The following DHDH variants were observed in gnomAD, a reference collection of about 807,000 sequenced individuals.
The protein encoded by DHDH is trans-1,2-dihydrobenzene-1,2-diol dehydrogenase.
DHDH carries 29 observed loss-of-function variants against 33.2 expected under a neutral mutation model. The observed-to-expected ratio is 0.87, with a 90% confidence interval of 0.65 to 1.19. The LOEUF (loss-of-function observed/expected upper bound fraction) is 1.19. Ranked by LOEUF, DHDH falls within the 50% of genes most tolerant of loss-of-function variation. The pLI, the probability that DHDH is intolerant of heterozygous loss-of-function variation, is 0.00. For missense variants in DHDH, 431 were observed against 455.0 expected (o/e 0.95, Z 0.48); for synonymous variants, 201 against 187.9 (o/e 1.07, Z -0.57).
Position 48,939,473 on chromosome 19 carries a change from GCCTCC to G in DHDH, c.392_396del (p.Ala131GlyfsTer73), listed in dbSNP as rs1359873102. ...GGCCATCTGGACCCGCTTCTTTCCT[GCCTCC>G]GAGGCTCTGAGGTCTGTTTTGGCCC... On this transcript the variant is annotated frameshift_variant, in exon 4 of 7. Coordinates refer to ENST00000221403, the MANE Select transcript of DHDH (RefSeq NM_014475.4). LOFTEE classifies it high-confidence loss of function. 2 of 1,613,134 alleles carry G rather than the reference GCCTCC, an allele frequency of 1.2e-6. No homozygotes were observed. Among genetic ancestry groups the G allele is most frequent in the Admixed American group, 1.7e-5 (1 of 59,952 alleles).
At chr19:48,933,276 T>G (rs2037727681), upstream of DHDH, among the ~76,000 whole-genome samples, 2 of 152,154 alleles carry the variant, frequency 1.3e-5, no homozygotes, top group South Asian at 4.1e-4. Context: ...ATTATTAAGT[T>G]TGCTGTTACA....
At position 48,944,815 on chromosome 19, in the gene DHDH, T is replaced by C. The variant is rs1568599438; in HGVS notation, c.896-9T>C. 1.2e-6 allele frequency: 2 copies of C among 1,611,540 alleles called. No homozygotes were observed. Among genetic ancestry groups the C allele is most frequent in the African/African-American group, 2.7e-5 (2 of 74,826 alleles). ...GTAGGAGGGGTCCCTAACTACACTC[T>C]CCCCACAGGTATGAAGGAAAGTCCT... is the stretch of plus-strand genomic sequence containing the variant. On this transcript the variant is annotated splice_polypyrimidine_tract_variant and intron_variant, in intron 6 of 6. Transcript: ENST00000221403.
intron 1 of DHDH, among the ~76,000 whole-genome samples, chr19:48,934,064 T>C (rs2037739938): frequency 6.6e-6 from 1 of 152,248 alleles, no homozygotes; most frequent in Admixed American, 6.5e-5. Flanking sequence ...AGAAAAATTG[T>C]TTCTGCTTTG....
intron 1 of DHDH, 47 bp from the exon 2 acceptor site, chr19:48,934,953 T>C: frequency 6.9e-7 from 1 of 1,451,200 alleles, no homozygotes; most frequent in Non-Finnish European, 9.2e-7. Flanking sequence ...CCACCCAGTT[T>C]CCACGCCTGC....
Position 48,944,371 on chromosome 19 carries a change from C to T in DHDH, c.759C>T (p.Cys253=), listed in dbSNP as rs775108712. ...TKGMVQLLNP[C]WCPTELVVKG... is the part of the protein sequence containing the mutation. ...TCTCCCTCCAGCTCCTCAACCCCTG[C>T]TGGTGCCCGACCGAGCTGGTGGTGA... The change falls in exon 6 of 7, where the codon TGC becomes TGT. Residue 253 remains cysteine (C), a synonymous_variant. Transcript: ENST00000221403. The T allele has an allele frequency of 1.1e-5, 18 of 1,613,984 alleles. No individual in the cohort carries two copies. The highest frequency in any genetic ancestry group is 1.5e-5 in the Non-Finnish European group (18 of 1,180,008).
At chr19:48,937,522 AC>A (rs1171767053) in intron 3 of DHDH, among the ~76,000 whole-genome samples, 1 of 150,934 alleles carries the variant, frequency 6.6e-6, no homozygotes, top group Non-Finnish European at 1.5e-5. Context: ...CTAAAAAAGT[AC>A]AAAAATTGGC....
chr19:48,934,653 C>T (rs879318453), intron 1 of DHDH, among the ~76,000 whole-genome samples: 5 of 152,158 alleles, frequency 3.3e-5, no homozygotes, highest in South Asian at 2.1e-4. Flanking sequence ...CGTGCACATC[C>T]GGTCACAGCA....
At chr19:48,943,055 C>CA (rs5828370) in intron 5 of DHDH, among the ~76,000 whole-genome samples, 68,175 of 140,610 alleles carry the variant, frequency 0.48, 18,216 homozygotes, top group Non-Finnish European at 0.62. Flanking sequence ...AACTCCATCT[C>CA]AAAAAAAAAA....
chr19:48,943,841 A>AG (rs1333492125), intron 5 of DHDH, among the ~76,000 whole-genome samples: 1 of 151,530 alleles, frequency 6.6e-6, no homozygotes, highest in Admixed American at 6.6e-5. Context: ...AAAAAAAAAA[A>AG]AAAATTAGTC....
In DHDH at chr19:48,937,308, G is replaced by A. The variant is rs372906301; in HGVS notation, c.366+1113G>A. 1.5e-4 allele frequency among the ~76,000 whole-genome samples: 23 copies of A among 152,124 alleles called. No individual in the cohort carries two copies. In the East Asian group the frequency reaches 2.1e-3, roughly 14 times the overall value. On this transcript the variant is annotated intron_variant, in intron 3 of 6. Coordinates refer to ENST00000221403, the MANE Select transcript of DHDH (RefSeq NM_014475.4). The stretch of plus-strand genomic sequence containing the variant: ...CCTCTCGACTGCTCCGAGCCCGGGC[G>A]GACCTCGGCCACATCCGTCCTGCCC...
chr19:48,937,482 C>T (rs890101340), intron 3 of DHDH, among the ~76,000 whole-genome samples: 1 of 151,882 alleles, frequency 6.6e-6, no homozygotes, highest in African/African-American at 2.4e-5. Flanking sequence ...TCAAGACCAG[C>T]CTGGCCAACA....
At chr19:48,944,201 G>C (rs1187838408) in intron 5 of DHDH, among the ~76,000 whole-genome samples, 156 bp from the exon 6 acceptor site, 1 of 152,116 alleles carries the variant, frequency 6.6e-6, no homozygotes, top group Non-Finnish European at 1.5e-5. Flanking sequence ...AACTAGAAAT[G>C]AAGGAGGGTC....
rs772545415 is a variant in DHDH, at chr19:48,936,136, G to A, written c.307G>A (p.Ala103Thr). 3.1e-6 allele frequency: 5 copies of A among 1,609,566 alleles called. No homozygotes were observed. In the South Asian group the frequency reaches 4.4e-5, roughly 14 times the overall value. Residue 103 changes from alanine to threonine, a missense_variant, in exon 3 of 7, where the codon GCG (alanine) becomes ACG (threonine). Transcript: ENST00000221403. ...VLCEKPTGVN[A>T]AEVREMVAEA... is the part of the protein sequence containing the mutation. ...GTGCGAGAAGCCCACGGGCGTGAAC[G>A]CGGCGGAAGTTCGCGAGATGGTCGC...
intron 1 of DHDH, 123 bp from the exon 2 acceptor site, chr19:48,934,877 G>A (rs549909339): frequency 1.6e-5 from 10 of 644,540 alleles, no homozygotes; most frequent in East Asian, 6.7e-5. Flanking sequence ...TCCAGCCCCC[G>A]TCATCTCTTC....
rs10401800 is a variant in DHDH, at chr19:48,933,725, G to A, written c.4G>A (p.Ala2Thr). The A allele has an allele frequency of 4.3e-6, 7 of 1,613,176 alleles. No homozygotes were observed. Among genetic ancestry groups the A allele is most frequent in the Admixed American group, 1.7e-5 (1 of 59,994 alleles). The change falls in exon 1 of 7, where the codon GCG becomes ACG. Residue 2 changes from alanine (A) to threonine (T), a missense_variant. Ala to Thr is a moderately conservative substitution (Grantham distance 58). Transcript: ENST00000221403. ...CCGAGGGCTCCGCATCGCAACCATG[G>A]CGCTGCGCTGGGGCATCGTGTCTGT... M[A>T]LRWGIVSVGL...
intron 5 of DHDH, among the ~76,000 whole-genome samples, chr19:48,943,910 A>T (rs556452599): frequency 6.6e-6 from 1 of 151,736 alleles, no homozygotes; most frequent in Non-Finnish European, 1.5e-5. Context: ...CAGAAAAATC[A>T]CTTGAACCCA....
upstream of DHDH, among the ~76,000 whole-genome samples, chr19:48,932,977 G>A (rs184046620): frequency 1.1e-3 from 160 of 152,254 alleles, 1 homozygote; most frequent in South Asian, 3.7e-3. Context: ...CAGCCAAGAA[G>A]GGGCAAGGAG....
chr19:48,942,554 G>A lies in DHDH; in HGVS notation c.734G>A (p.Gly245Asp). 1.9e-6 allele frequency: 3 copies of A among 1,613,426 alleles called. No homozygotes were observed. Among genetic ancestry groups the A allele is most frequent in the Non-Finnish European group, 2.5e-6 (3 of 1,179,604 alleles). Reference sequence around the variant, plus strand: ...ACGGCCTCCGTGAGCGGCACCAAGGGCATGGTACAGGTGAGGCATGGCGGG... The same window carrying A: ...ACGGCCTCCGTGAGCGGCACCAAGGACATGGTACAGGTGAGGCATGGCGGG... ...SNTASVSGTK[G>D]MVQLLNPCWC... The change falls in exon 5 of 7, where the codon GGC (glycine) becomes GAC (aspartate). Residue 245 changes from glycine to aspartate, a missense_variant. By Grantham distance (94) the Gly-to-Asp change is moderately conservative (BLOSUM62 -1). Transcript: ENST00000221403.
intron 2 of DHDH, among the ~76,000 whole-genome samples, chr19:48,935,478 G>C (rs933695689): frequency 5.9e-5 from 9 of 152,028 alleles, no homozygotes; most frequent in Admixed American, 5.2e-4. Context: ...CCAAGATCGC[G>C]CCACTGCACT....
Sources: gnomAD v4.1 joint callset for allele counts (sites outside exome capture counted in the v4.1 genomes callset) on GRCh38, gnomAD v4.1.1 for gene constraint, MANE v1.5 for transcripts, NCBI Gene and HGNC (gene_info 2026-07-23, HGNC 2026-07-21) for gene names.